Variants in RPS19 observed in about 807,000 individuals in gnomAD.
RPS19 encodes small ribosomal subunit protein eS19.
RPS19 carries 1 observed loss-of-function variant against 20.3 expected under a neutral mutation model. The observed-to-expected ratio is 0.05, with a 90% CI of 0.02 to 0.23. The LOEUF (loss-of-function observed/expected upper bound fraction) is 0.23, where lower values mean the gene tolerates loss of function less well. RPS19 is among the 10% of genes least tolerant of loss of function. The pLI is 1.00. For synonymous variants in RPS19, 87 were observed against 74.8 expected, an observed-to-expected ratio of 1.16 and a Z score of -0.84; for missense variants, 111 against 192.7, an observed-to-expected ratio of 0.58 and a Z score of 2.51.
At chr19:41,865,672 G>A (rs2074077985) in intron 3 of RPS19, among the ~76,000 whole-genome samples, 2 of 152,106 alleles carry the variant, frequency 1.3e-5, no homozygotes, top group African/African-American at 2.4e-5. Flanking sequence ...ACAGAGGCCC[G>A]GCGCGGTGGC....
intron 3 of RPS19, among the ~76,000 whole-genome samples, chr19:41,862,226 TTTTGTAGA>T (rs1555839415): frequency 6.6e-6 from 1 of 152,146 alleles, no homozygotes; most frequent in East Asian, 1.9e-4. Flanking sequence ...ATATGAAGCA[TTTTGTAGA>T]TTTGTGGTAC....
rs1050406851 is a variant in RPS19, at chr19:41,861,199, C to T, written c.159C>T (p.Phe53=). Residue 53 remains phenylalanine, a synonymous_variant, in exon 3 of 6, where the codon TTC becomes TTT. Transcript: ENST00000598742. ...TTGCTCCCTACGATGAGAACTGGTT[C>T]TACACGCGAGCTGGTGAGGAACTTA... ...KELAPYDENW[F]YTRAASTARH... The T allele has an allele frequency of 9.9e-6, 16 of 1,613,702 alleles. No individual in the cohort carries two copies. The highest frequency in any genetic ancestry group is 1.4e-5 in the Non-Finnish European group (16 of 1,179,620).
chr19:41,869,665 C>T, intron 4 of RPS19, 34 bp from the exon 5 acceptor site: 1 of 1,610,446 alleles, frequency 6.2e-7, no homozygotes, highest in South Asian at 1.1e-5. Context: ...GACCTGTGCT[C>T]ACTGGGGCCT....
intron 3 of RPS19, among the ~76,000 whole-genome samples, chr19:41,862,107 A>T (rs1389411579): frequency 6.6e-6 from 1 of 152,184 alleles, no homozygotes; most frequent in Non-Finnish European, 1.5e-5. Flanking sequence ...CCTGACCACA[A>T]CTTGTCTCCA....
At chr19:41,868,579 G>A (rs1479101051) in intron 3 of RPS19, among the ~76,000 whole-genome samples, 4 of 152,140 alleles carry the variant, frequency 2.6e-5, no homozygotes, top group Non-Finnish European at 5.9e-5. Flanking sequence ...TCTGCAGAGG[G>A]GCTGGTACAC....
intron 3 of RPS19, among the ~76,000 whole-genome samples, chr19:41,867,321 T>G (rs1431381881): frequency 2.0e-5 from 3 of 152,048 alleles, no homozygotes; most frequent in African/African-American, 4.8e-5. Flanking sequence ...GTTTTACTTT[T>G]GAGACAGAGT....
intron 1 of RPS19, 184 bp from the exon 2 acceptor site, chr19:41,860,591 C>G (rs554528954): frequency 2.9e-6 from 2 of 691,606 alleles, no homozygotes; most frequent in South Asian, 3.1e-5. Context: ...CCAGAGAGGC[C>G]GTGGGCGTCG....
chr19:41,860,478 CG>C, intron 1 of RPS19, 189 bp downstream of exon 1: 4 of 455,078 alleles, frequency 8.8e-6, no homozygotes, highest in East Asian at 4.4e-5. Context: ...GCGTGGGCCC[CG>C]GGGGGCAGCG....
Position 41,869,103 on chromosome 19 carries a change from G to C in RPS19, c.245G>C (p.Arg82Pro), listed in dbSNP as rs782814286. ...TCCATGACCAAGATCTATGGGGGACGTCAGAGAAACGGCGTCATGCCCAGC... is the reference window on the plus strand; with the variant it reads ...TCCATGACCAAGATCTATGGGGGACCTCAGAGAAACGGCGTCATGCCCAGC... ...VGSMTKIYGGRQRNGVMPSHF... is the reference protein window; with the variant it reads ...VGSMTKIYGGPQRNGVMPSHF... Residue 82 changes from arginine (R) to proline (P), a missense_variant, in exon 4 of 6, where the codon CGT becomes CCT. Physicochemically the swap from Arg to Pro is moderately radical, Grantham distance 103. Coordinates refer to ENST00000598742, the MANE Select transcript of RPS19 (RefSeq NM_001022.4). 1 of 1,613,708 alleles carries C rather than the reference G, an allele frequency of 6.2e-7. No homozygotes were observed. The highest frequency in any genetic ancestry group is 1.3e-5 in the African/African-American group (1 of 74,926).
Position 41,869,123 on chromosome 19 carries a change from C to G in RPS19, c.265C>G (p.Pro89Ala). Residue 89 changes from proline (P) to alanine (A), a missense_variant, in exon 4 of 6, where the codon CCC becomes GCC. Pro to Ala is a conservative substitution (Grantham distance 27). Coordinates refer to ENST00000598742, the MANE Select transcript of RPS19 (RefSeq NM_001022.4). Reference sequence around the variant, plus strand: ...GGGACGTCAGAGAAACGGCGTCATGCCCAGCCACTTCAGCCGAGGCTCCAA... The same window carrying G: ...GGGACGTCAGAGAAACGGCGTCATGGCCAGCCACTTCAGCCGAGGCTCCAA... Reference protein sequence around the residue: ...YGGRQRNGVMPSHFSRGSKSV... With the variant: ...YGGRQRNGVMASHFSRGSKSV... 2.5e-6 allele frequency: 4 copies of G among 1,613,918 alleles called. No individual in the cohort carries two copies. The highest frequency in any genetic ancestry group is 3.4e-6 in the Non-Finnish European group (4 of 1,179,872).
intron 3 of RPS19, among the ~76,000 whole-genome samples, chr19:41,867,798 CTT>C (rs1332292893): frequency 6.6e-6 from 1 of 152,142 alleles, no homozygotes; most frequent in African/African-American, 2.4e-5. Flanking sequence ...GAATGAGGCC[CTT>C]TTTTTGTGTT....
At chr19:41,864,965 C>A (rs2074069635) in intron 3 of RPS19, 1 of 152,134 alleles carries the variant, frequency 6.6e-6, no homozygotes, top group African/African-American at 2.4e-5. Flanking sequence ...AGTTAATAAC[C>A]CTTCCTCTCC....
intron 5 of RPS19, among the ~76,000 whole-genome samples, chr19:41,870,631 C>T (rs1555841762): frequency 6.6e-6 from 1 of 152,114 alleles, no homozygotes; most frequent in Non-Finnish European, 1.5e-5. Context: ...AATTCTGTAT[C>T]ACTGACTCAG....
intron 3 of RPS19, chr19:41,861,569 G>A (rs1555839306): frequency 8.3e-6 from 3 of 362,492 alleles, no homozygotes; most frequent in Non-Finnish European, 1.6e-5. Context: ...TGGCAAGTTG[G>A]TTAACCTGCC....
chr19:41,869,310 C>A, intron 4 of RPS19, 96 bp downstream of exon 4: 1 of 1,153,756 alleles, frequency 8.7e-7, no homozygotes, highest in Non-Finnish European at 1.2e-6. Context: ...CCCAGCCCCT[C>A]AGGCCCCTCC....
intron 4 of RPS19, 139 bp from the exon 5 acceptor site, chr19:41,869,560 T>C: frequency 1.2e-6 from 1 of 850,140 alleles, no homozygotes; most frequent in Non-Finnish European, 1.9e-6. Flanking sequence ...CTCGTTAGAA[T>C]GCACCTGACT....
intron 4 of RPS19, 32 bp from the exon 5 acceptor site, chr19:41,869,667 C>T (rs782290959): frequency 1.9e-6 from 3 of 1,610,928 alleles, no homozygotes; most frequent in Admixed American, 3.3e-5. Context: ...CCTGTGCTCA[C>T]TGGGGCCTGC....
intron 5 of RPS19, 21 bp downstream of exon 5, chr19:41,869,774 G>A (rs782097391): frequency 1.9e-6 from 3 of 1,612,924 alleles, no homozygotes; most frequent in Non-Finnish European, 2.5e-6. Flanking sequence ...CGTTTGGGGT[G>A]GGGCTGGGTC....
At chr19:41,869,545 C>A in intron 4 of RPS19, 154 bp from the exon 5 acceptor site, 1 of 759,208 alleles carries the variant, frequency 1.3e-6, no homozygotes, top group Admixed American at 2.2e-5. Context: ...CACTACTGCC[C>A]CCAGCTCGTT....
Sources: gnomAD v4.1 joint callset for allele counts (sites outside exome capture counted in the v4.1 genomes callset) on GRCh38, gnomAD v4.1.1 for gene constraint, MANE v1.5 for transcripts, NCBI Gene and HGNC (gene_info 2026-07-23, HGNC 2026-07-21) for gene names.